ZNF331: variants seen among roughly 807,000 people sequenced by gnomAD.
ZNF331 encodes the protein zinc finger protein 331.
In ZNF331, 2 loss-of-function variants were observed where a neutral mutation model predicts 7.0. The observed-to-expected ratio is 0.29, with a 90% CI of 0.12 to 0.90. The LOEUF (loss-of-function observed/expected upper bound fraction) is 0.90, where lower values mean the gene tolerates loss of function less well. Ranked by LOEUF, ZNF331 falls within the 40% of genes least tolerant of loss-of-function variation. The pLI is 0.58. For missense variants in ZNF331, 432 were observed against 587.7 expected (o/e 0.74, Z 2.74); for synonymous variants, 196 against 205.4 (o/e 0.95, Z 0.39).
At chr19:53,554,013 G>A (rs1256075846) in intron 2 of ZNF331, among the ~76,000 whole-genome samples, 1 of 152,220 alleles carries the variant, frequency 6.6e-6, no homozygotes, top group African/African-American at 2.4e-5. Context: ...GGCCCCCCAG[G>A]AACTTAAGGC....
At chr19:53,550,599 C>T (rs532876229) in intron 2 of ZNF331, among the ~76,000 whole-genome samples, 1 of 141,342 alleles carries the variant, frequency 7.1e-6, no homozygotes, top group African/African-American at 2.7e-5. Flanking sequence ...TGCATTGGCC[C>T]GATCTTGGCT....
chr19:53,525,910 T>C (rs2087276827), intron 2 of ZNF331, among the ~76,000 whole-genome samples: 1 of 152,206 alleles, frequency 6.6e-6, no homozygotes, highest in South Asian at 2.1e-4. Context: ...GTTAGCTATG[T>C]GCTTGTGTTA....
intron 3 of ZNF331, among the ~76,000 whole-genome samples, chr19:53,559,222 ATATATACACAC>A (rs2089653043): frequency 8.0e-5 from 12 of 150,392 alleles, no homozygotes; most frequent in African/African-American, 2.4e-4. Flanking sequence ...ATAGAGACAC[ATATATACACAC>A]CATACATACA....
intron 2 of ZNF331, among the ~76,000 whole-genome samples, chr19:53,547,730 G>A (rs1025740958): frequency 2.0e-5 from 3 of 152,008 alleles, no homozygotes; most frequent in African/African-American, 7.3e-5. Flanking sequence ...ACATGTATGA[G>A]GTGATATCTC....
At chr19:53,516,105 CCTTA>C (rs1444301642), upstream of ZNF331, among the ~76,000 whole-genome samples, 2 of 152,032 alleles carry the variant, frequency 1.3e-5, no homozygotes, top group East Asian at 3.9e-4. Flanking sequence ...GAAACGAGGT[CCTTA>C]CTAAGATGTG....
Position 53,560,061 on chromosome 19 carries a change from C to T in ZNF331, c.-74+4153C>T, listed in dbSNP as rs2089771131. On this transcript the variant is annotated intron_variant, in intron 3 of 5. Transcript: ENST00000449416. The surrounding 1 kb of genome is among the most constrained non-coding windows in gnomAD (Gnocchi z 4.3). ...CCTCATATATACATATACACACCTA[C>T]ATATACATACCATACACACACATAT... is the stretch of plus-strand genomic sequence containing the variant. Among the ~76,000 whole-genome samples, 1 of 151,094 alleles carries T rather than the reference C, an allele frequency of 6.6e-6. No individual in the cohort carries two copies. The highest frequency in any genetic ancestry group is 1.9e-4 in the East Asian group (1 of 5,154).
the ZNF331 span, among the ~76,000 whole-genome samples, chr19:53,510,015 GC>G: frequency 3.5e-4 from 53 of 152,126 alleles, no homozygotes; most frequent in African/African-American, 1.2e-3. Context: ...GGGGAAATCC[GC>G]CCCCATGATA....
intron 5 of ZNF331, among the ~76,000 whole-genome samples, chr19:53,576,170 G>A (rs2090714394): frequency 6.6e-6 from 1 of 151,888 alleles, no homozygotes. Flanking sequence ...TTTTAGTAGA[G>A]ACAAGGTTTC....
At chr19:53,576,308 A>C (rs2090720033) in intron 5 of ZNF331, among the ~76,000 whole-genome samples, 1 of 152,188 alleles carries the variant, frequency 6.6e-6, no homozygotes, top group African/African-American at 2.4e-5. Context: ...ACTTTTAATA[A>C]TACTACTGAC....
At chr19:53,506,710 G>A in the ZNF331 span, among the ~76,000 whole-genome samples, 1 of 152,288 alleles carries the variant, frequency 6.6e-6, no homozygotes, top group Non-Finnish European at 1.5e-5. Flanking sequence ...CGGAAAGAGG[G>A]TCTTTTGTGC....
upstream of ZNF331, among the ~76,000 whole-genome samples, chr19:53,537,018 G>C (rs2087782490): frequency 6.6e-6 from 1 of 152,178 alleles, no homozygotes; most frequent in Non-Finnish European, 1.5e-5. Context: ...ATCACCAGCT[G>C]AGGTAACCAG....
At chr19:53,563,179 C>T (rs1964849896) in intron 3 of ZNF331, among the ~76,000 whole-genome samples, 1 of 150,300 alleles carries the variant, frequency 6.7e-6, no homozygotes, top group African/African-American at 2.5e-5. Context: ...TCTCCGCCTC[C>T]CGGGTTCAAG....
intron 3 of ZNF331, among the ~76,000 whole-genome samples, chr19:53,559,629 C>T (rs202201159): frequency 0.022 from 1,591 of 72,256 alleles, 26 homozygotes; most frequent in African/African-American, 0.055. Context: ...CACACATATA[C>T]ACACACATCC....
chr19:53,520,404 A>C (rs2087022364), upstream of ZNF331, among the ~76,000 whole-genome samples: 1 of 152,140 alleles, frequency 6.6e-6, no homozygotes, highest in Non-Finnish European at 1.5e-5. Flanking sequence ...ACGGATCCCA[A>C]ATGCAAGTTG....
chr19:53,571,699 G>C lies in ZNF331; in HGVS notation c.105G>C (p.Met35Ile), dbSNP rs374646392. The C allele has an allele frequency of 1.5e-5, 24 of 1,613,344 alleles. No individual in the cohort carries two copies. Among genetic ancestry groups the C allele is most frequent in the Non-Finnish European group, 1.9e-5 (22 of 1,179,654 alleles). Residue 35 changes from methionine to isoleucine, a missense_variant, in exon 5 of 6, where the codon ATG (methionine) becomes ATC (isoleucine). Around this residue, in one of 3 missense-constraint regions of ZNF331, gnomAD observed 39 missense variants for 68.8 expected, o/e 0.57. Transcript: ENST00000449416. The surrounding 1 kb of genome is among the most constrained non-coding windows in gnomAD (Gnocchi z 4.7). ...AGAGGGACCTGTACTGGGACGTGAT[G>C]CTGGAGAACTACAGTAACTTGGTCT... ...SAQRDLYWDV[M>I]LENYSNLVSL...
chr19:53,564,766 C>T (rs2147588900), intron 3 of ZNF331, among the ~76,000 whole-genome samples: 1 of 152,226 alleles, frequency 6.6e-6, no homozygotes, highest in South Asian at 2.1e-4. Flanking sequence ...GCTGGAAAAT[C>T]TGGATAAGAT....
chr19:53,563,322 G>A (rs573897449), intron 3 of ZNF331, among the ~76,000 whole-genome samples: 2 of 152,038 alleles, frequency 1.3e-5, no homozygotes, highest in African/African-American at 2.4e-5. Flanking sequence ...TCCTGACCTC[G>A]TAATCCACCC....
At chr19:53,574,616 C>T (rs17207173) in intron 5 of ZNF331, among the ~76,000 whole-genome samples, 49,442 of 151,838 alleles carry the variant, frequency 0.33, 8,482 homozygotes, top group South Asian at 0.56. Flanking sequence ...TTTAAGTGCC[C>T]GTTTTCTTTT....
At chr19:53,541,113 T>TTC (rs113655756) in intron 2 of ZNF331, among the ~76,000 whole-genome samples, 13,736 of 149,630 alleles carry the variant, frequency 0.092, 840 homozygotes, top group African/African-American at 0.18. Flanking sequence ...TTCTTTTCTT[T>TTC]TTTTTTTTTT....
Sources: allele counts gnomAD v4.1 joint callset (sites outside exome capture counted in the v4.1 genomes callset), GRCh38; gene constraint gnomAD v4.1.1; regional missense constraint gnomAD v4.1.1; non-coding constraint Gnocchi (gnomAD v3.1); transcripts MANE v1.5; gene names NCBI Gene and HGNC (gene_info 2026-07-23, HGNC 2026-07-21).